STPG2: variants seen among roughly 807,000 people sequenced by gnomAD.
The protein encoded by STPG2 is sperm-tail PG-rich repeat-containing protein 2.
Under a neutral mutation model 54.2 loss-of-function variants are expected in STPG2, and 56 were observed. That is an observed-to-expected ratio of 1.03 (90% CI 0.83 to 1.29). The LOEUF (loss-of-function observed/expected upper bound fraction) is 1.29. Among genes scored for constraint, STPG2 ranks in the 50% most tolerant of loss-of-function variants. STPG2 has a pLI of 0.00. For synonymous variants in STPG2, 200 were observed against 181.8 expected, an observed-to-expected ratio of 1.10 and a Z score of -0.81; for missense variants, 596 against 544.9, an observed-to-expected ratio of 1.09 and a Z score of -0.93.
intron 10 of STPG2, among the ~76,000 whole-genome samples, chr4:97,677,142 C>G (rs935382110): frequency 1.3e-5 from 2 of 152,132 alleles, no homozygotes; most frequent in Non-Finnish European, 2.9e-5. Flanking sequence ...AGCAATACTC[C>G]TAATGGACAG....
intron 9 of STPG2, among the ~76,000 whole-genome samples, chr4:97,786,962 C>T (rs1726846529): frequency 6.6e-6 from 1 of 152,070 alleles, no homozygotes; most frequent in Non-Finnish European, 1.5e-5. Flanking sequence ...AGTATAGGTA[C>T]ATTCCAGTAC....
chr4:97,903,924 T>C (rs1202077508), intron 8 of STPG2, among the ~76,000 whole-genome samples: 3 of 152,182 alleles, frequency 2.0e-5, no homozygotes, highest in East Asian at 1.9e-4. Context: ...CGAGATTATA[T>C]TCCGCACCTG....
chr4:97,587,677 C>G (rs1733034492), intron 10 of STPG2, among the ~76,000 whole-genome samples: 1 of 151,834 alleles, frequency 6.6e-6, no homozygotes, highest in African/African-American at 2.4e-5. Flanking sequence ...CTTTGTAGTC[C>G]TAAAATGTCT....
chr4:97,559,903 G>T (rs780689173), intron 10 of STPG2, among the ~76,000 whole-genome samples: 1 of 152,158 alleles, frequency 6.6e-6, no homozygotes, highest in African/African-American at 2.4e-5. Flanking sequence ...TGTATGCAAA[G>T]CATTTTCAAT....
chr4:97,684,597 A>G (rs1463350157), intron 10 of STPG2, among the ~76,000 whole-genome samples: 1 of 152,018 alleles, frequency 6.6e-6, no homozygotes, highest in South Asian at 2.1e-4. Flanking sequence ...AAGTAACTCA[A>G]AATGGATCGT....
At chr4:97,857,467 C>G (rs1729371731) in intron 8 of STPG2, among the ~76,000 whole-genome samples, 1 of 152,122 alleles carries the variant, frequency 6.6e-6, no homozygotes, top group Non-Finnish European at 1.5e-5. Flanking sequence ...ATAGTATTCT[C>G]TAATGATTGT....
chr4:97,871,799 G>T (rs570819080), intron 8 of STPG2, among the ~76,000 whole-genome samples: 1 of 150,724 alleles, frequency 6.6e-6, no homozygotes, highest in South Asian at 2.1e-4. Context: ...TTTCATAAAG[G>T]AAATATAATA....
intron 4 of STPG2, among the ~76,000 whole-genome samples, chr4:97,538,825 C>G (rs1477749678): frequency 6.6e-6 from 1 of 152,298 alleles, no homozygotes; most frequent in Middle Eastern, 3.4e-3. Context: ...GGAAGCACAT[C>G]AGACTAACAG....
intron 10 of STPG2, among the ~76,000 whole-genome samples, chr4:97,623,796 C>A (rs1289180568): frequency 6.6e-6 from 1 of 152,044 alleles, no homozygotes; most frequent in Non-Finnish European, 1.5e-5. Flanking sequence ...CCCCCGACAC[C>A]CCCACTGACA....
Position 97,997,642 on chromosome 4 carries a change from T to C in STPG2, c.613-16324A>G, listed in dbSNP as rs181478550. Among the ~76,000 whole-genome samples the C allele has an allele frequency of 2.9e-3, 435 of 152,294 alleles. 3 individuals are homozygous for C. Among genetic ancestry groups the C allele is most frequent in the African/African-American group, 9.9e-3 (410 of 41,564 alleles). ...ACTATGTCACTGGACAAAGAAAATG[T>C]GGTACATATACACCATGGAATACTA... On this transcript the variant is annotated intron_variant, in intron 5 of 10. Transcript: ENST00000295268.
intron 9 of STPG2, among the ~76,000 whole-genome samples, chr4:97,752,486 G>A (rs1335387640): frequency 6.6e-6 from 1 of 151,632 alleles, no homozygotes. Flanking sequence ...CCTGTATAGT[G>A]CCACTCATAT....
chr4:97,837,434 G>T (rs1314046194), intron 9 of STPG2, among the ~76,000 whole-genome samples: 1 of 151,568 alleles, frequency 6.6e-6, no homozygotes, highest in Non-Finnish European at 1.5e-5. Flanking sequence ...CTAAAAACAG[G>T]TCAATGTGAG....
At chr4:97,475,178 G>A (rs1730039537) in intron 4 of STPG2, among the ~76,000 whole-genome samples, 1 of 151,550 alleles carries the variant, frequency 6.6e-6, no homozygotes, top group Non-Finnish European at 1.5e-5. Context: ...ATTTTGCTGG[G>A]GGCAAATAGT....
At chr4:97,733,226 G>GGT (rs1724864133) in intron 9 of STPG2, among the ~76,000 whole-genome samples, 1 of 151,942 alleles carries the variant, frequency 6.6e-6, no homozygotes, top group African/African-American at 2.4e-5. Context: ...AAGAAAACGT[G>GGT]GTGTATATAC....
chr4:97,593,094 G>T (rs760078234), intron 10 of STPG2, among the ~76,000 whole-genome samples: 1 of 152,138 alleles, frequency 6.6e-6, no homozygotes, highest in Admixed American at 6.5e-5. Context: ...CAGGGTCCCA[G>T]CCTGGCCACA....
chr4:98,091,796 A>T (rs934220591), intron 5 of STPG2, among the ~76,000 whole-genome samples: 1 of 151,998 alleles, frequency 6.6e-6, no homozygotes, highest in Non-Finnish European at 1.5e-5. Flanking sequence ...ATATCATTGG[A>T]TTCTCACAAT....
chr4:97,492,833 T>C (rs972831687), intron 4 of STPG2, among the ~76,000 whole-genome samples: 6 of 150,834 alleles, frequency 4.0e-5, no homozygotes, highest in African/African-American at 9.7e-5. Context: ...TATTATACTA[T>C]ATATTTTGGA....
At chr4:98,062,432 A>G (rs1578823826) in intron 5 of STPG2, among the ~76,000 whole-genome samples, 2 of 152,166 alleles carry the variant, frequency 1.3e-5, no homozygotes, top group Admixed American at 6.6e-5. Flanking sequence ...TTTCGCATGT[A>G]CCCCAGAACC....
In STPG2 at chr4:97,638,307, C is replaced by T. The variant is rs1019790309; in HGVS notation, c.1320+74392G>A. On this transcript the variant is annotated intron_variant, in intron 10 of 10. Transcript: ENST00000295268. ...GCTAGCCATATGTAGAAAGCTGAAACTGGATCCCTTCCTTACACCTTATAC... is the reference window on the plus strand; with the variant it reads ...GCTAGCCATATGTAGAAAGCTGAAATTGGATCCCTTCCTTACACCTTATAC... 7.6e-3 allele frequency among the ~76,000 whole-genome samples: 1,164 copies of T among 152,196 alleles called. 15 individuals carry two copies. The highest frequency in any genetic ancestry group is 0.025 in the African/African-American group (1,029 of 41,518).
Sources: allele counts gnomAD v4.1 joint callset (sites outside exome capture counted in the v4.1 genomes callset), GRCh38; gene constraint gnomAD v4.1.1; transcripts MANE v1.5; gene names NCBI Gene and HGNC (gene_info 2026-07-23, HGNC 2026-07-21).